SMAP1: variants seen among roughly 807,000 people sequenced by gnomAD.
The protein encoded by SMAP1 is stromal membrane-associated protein 1.
A neutral mutation model predicts 58.5 loss-of-function variants in SMAP1; 24 were observed. The observed-to-expected ratio is 0.41, with a 90% CI of 0.30 to 0.58. SMAP1 has a LOEUF of 0.58. Ranked by LOEUF, SMAP1 falls within the 20% of genes least tolerant of loss-of-function variation. The probability of loss-of-function intolerance (pLI) is 0.29; values close to 1 mark genes in which losing one functional copy is unlikely to be tolerated. For synonymous variants in SMAP1, 216 were observed against 196.6 expected (o/e 1.10, Z -0.82); for missense variants, 563 against 566.3 (o/e 0.99, Z 0.06).
At position 70,755,018 on chromosome 6, in the gene SMAP1, C is replaced by A. The variant is rs781469992; in HGVS notation, c.291C>A (p.Leu97=). Residue 97 remains leucine (L), a synonymous_variant, in exon 3 of 11, where the codon CTC becomes CTA. Coordinates refer to ENST00000370455, the MANE Select transcript of SMAP1 (RefSeq NM_001044305.3). ...QDMGNTKARL[L]YEANLPENFR... ...TGGGAAATACTAAAGCAAGACTACT[C>A]TATGAAGCCAATCTTCCAGAGAACT... The A allele has an allele frequency of 3.1e-6, 5 of 1,610,600 alleles. No homozygotes were observed. The highest frequency in any genetic ancestry group is 1.1e-5 in the South Asian group (1 of 90,830).
At chr6:70,765,381 A>C (rs1358004921) in intron 3 of SMAP1, among the ~76,000 whole-genome samples, 2 of 152,224 alleles carry the variant, frequency 1.3e-5, no homozygotes, top group African/African-American at 4.8e-5. Context: ...CAAATATATG[A>C]CATTTCTAAA....
intron 6 of SMAP1, among the ~76,000 whole-genome samples, chr6:70,809,268 G>A (rs1769284713): frequency 6.6e-6 from 1 of 152,060 alleles, no homozygotes; most frequent in African/African-American, 2.4e-5. Flanking sequence ...GGGTATTTAA[G>A]GAGATAATGT....
intron 6 of SMAP1, among the ~76,000 whole-genome samples, chr6:70,799,303 A>C (rs937359301): frequency 8.5e-5 from 13 of 152,150 alleles, no homozygotes; most frequent in African/African-American, 3.1e-4. Context: ...GTAGATGTTT[A>C]TTCTTTTGGG....
At chr6:70,838,154 T>C (rs887946181) in intron 7 of SMAP1, among the ~76,000 whole-genome samples, 3 of 152,182 alleles carry the variant, frequency 2.0e-5, no homozygotes, top group Non-Finnish European at 4.4e-5. Flanking sequence ...AAATTATTAT[T>C]AAAGTAAAAA....
chr6:70,729,642 C>G, intron 1 of SMAP1, among the ~76,000 whole-genome samples: 1 of 152,098 alleles, frequency 6.6e-6, no homozygotes, highest in Non-Finnish European at 1.5e-5. Context: ...GCTTTATATC[C>G]TAGGTGCAGA....
intron 2 of SMAP1, among the ~76,000 whole-genome samples, chr6:70,734,169 TCTCA>T (rs1488549851): frequency 1.3e-5 from 2 of 151,360 alleles, no homozygotes; most frequent in Non-Finnish European, 2.9e-5. Context: ...TGAGACGGAG[TCTCA>T]CTCATGCTAT....
chr6:70,776,285 C>T (rs1408762337), intron 4 of SMAP1, among the ~76,000 whole-genome samples: 1 of 152,140 alleles, frequency 6.6e-6, no homozygotes, highest in Non-Finnish European at 1.5e-5. Context: ...CGGGTTCAAG[C>T]AATTCTTCTG....
chr6:70,792,589 G>A (rs1228682171), intron 5 of SMAP1, among the ~76,000 whole-genome samples: 3 of 151,986 alleles, frequency 2.0e-5, no homozygotes, highest in Non-Finnish European at 4.4e-5. Context: ...TCATTTTGAT[G>A]CATCTTATGC....
intron 4 of SMAP1, among the ~76,000 whole-genome samples, chr6:70,786,279 A>G (rs1174759736): frequency 4.0e-4 from 59 of 147,040 alleles, no homozygotes; most frequent in African/African-American, 1.4e-3. Flanking sequence ...CTCTCAATAA[A>G]TTAGGTATTG....
At chr6:70,772,120 A>G (rs1392427841) in intron 3 of SMAP1, among the ~76,000 whole-genome samples, 1 of 152,228 alleles carries the variant, frequency 6.6e-6, no homozygotes, top group Non-Finnish European at 1.5e-5. Context: ...ATGAAGCTTG[A>G]GTACCCATAG....
At chr6:70,668,831 C>T in intron 1 of SMAP1, 1 of 1,212,662 alleles carries the variant, frequency 8.2e-7, no homozygotes, top group Non-Finnish European at 1.1e-6. Context: ...ACATGAGTCT[C>T]TTGGAGGACG....
Position 70,752,755 on chromosome 6 carries a change from CTAGTCTACTTTT to C in SMAP1, c.253-2221_253-2210del, listed in dbSNP as rs368294876. Among the ~76,000 whole-genome samples, 404 of 151,946 alleles carry C rather than the reference CTAGTCTACTTTT, an allele frequency of 2.7e-3. 2 individuals are homozygous for C. Among genetic ancestry groups the C allele is most frequent in the African/African-American group, 9.4e-3 (391 of 41,462 alleles). On this transcript the variant is annotated intron_variant, in intron 2 of 10. Transcript: ENST00000370455. Reference sequence around the variant, plus strand: ...CTGCTCCCCTACCTCCCACCCTTTTCTAGTCTACTTTTTAGAAACCTAGAAACTAAGCTTACC... The same window carrying C: ...CTGCTCCCCTACCTCCCACCCTTTTCTAGAAACCTAGAAACTAAGCTTACC...
intron 3 of SMAP1, among the ~76,000 whole-genome samples, chr6:70,772,428 G>A (rs556864962): frequency 5.6e-4 from 85 of 152,306 alleles, no homozygotes; most frequent in African/African-American, 2.0e-3. Context: ...ATATTTCAGT[G>A]TAATTGGGTT....
intron 1 of SMAP1, among the ~76,000 whole-genome samples, chr6:70,687,729 A>G (rs1231250011): frequency 6.6e-6 from 1 of 152,222 alleles, no homozygotes; most frequent in Non-Finnish European, 1.5e-5. Flanking sequence ...GTAAAATTAT[A>G]GACAAATGTC....
chr6:70,712,444 C>A (rs997918372), intron 1 of SMAP1, among the ~76,000 whole-genome samples: 8 of 152,310 alleles, frequency 5.3e-5, no homozygotes, highest in South Asian at 4.1e-4. Context: ...GAGGGTGATA[C>A]TGGCTTCATA....
chr6:70,697,627 A>G (rs1176305242), intron 1 of SMAP1, among the ~76,000 whole-genome samples: 2 of 151,954 alleles, frequency 1.3e-5, no homozygotes. Flanking sequence ...TTTTGTGAAG[A>G]TGATTTTCTC....
intron 4 of SMAP1, among the ~76,000 whole-genome samples, chr6:70,787,859 A>G (rs1768133472): frequency 6.7e-6 from 1 of 148,306 alleles, no homozygotes; most frequent in African/African-American, 2.4e-5. Context: ...TTGGGACTGT[A>G]CACTAGTTCA....
intron 7 of SMAP1, among the ~76,000 whole-genome samples, chr6:70,839,758 A>G (rs1770731597): frequency 6.6e-6 from 1 of 152,190 alleles, no homozygotes; most frequent in Non-Finnish European, 1.5e-5. Context: ...TACCCAGAGC[A>G]CATACAGCTC....
At chr6:70,790,310 T>C (rs1475913759) in intron 4 of SMAP1, among the ~76,000 whole-genome samples, 1 of 151,996 alleles carries the variant, frequency 6.6e-6, no homozygotes, top group Non-Finnish European at 1.5e-5. Context: ...CTGGCTAAAT[T>C]TTTATATTTT....
Sources: gnomAD v4.1 joint callset for allele counts (sites outside exome capture counted in the v4.1 genomes callset) on GRCh38, gnomAD v4.1.1 for gene constraint, MANE v1.5 for transcripts, NCBI Gene and HGNC (gene_info 2026-07-23, HGNC 2026-07-21) for gene names.